The following KIF27 variants were observed in gnomAD, a reference collection of about 807,000 sequenced individuals.
KIF27 encodes kinesin family member 27.
Under a neutral mutation model 141.8 loss-of-function variants are expected in KIF27, and 84 were observed. The observed-to-expected ratio is 0.59, with a 90% CI of 0.50 to 0.71. The LOEUF is 0.71. KIF27 is among the 30% of genes least tolerant of loss of function. The pLI is 0.00. For synonymous variants in KIF27, 471 were observed against 569.5 expected (o/e 0.83, Z 2.46); for missense variants, 1,306 against 1,628.4 (o/e 0.80, Z 3.41).
chr9:83,921,192 C>T (rs1956239356), intron 1 of KIF27, among the ~76,000 whole-genome samples, 179 bp downstream of exon 1: 1 of 152,090 alleles, frequency 6.6e-6, no homozygotes, highest in Non-Finnish European at 1.5e-5. Context: ...AGCTGGCGCC[C>T]CAACCGCCCA....
At position 83,865,370 on chromosome 9, in the gene KIF27, T is replaced by A. The variant is rs1207233948; in HGVS notation, c.2934+2314A>T. Among the ~76,000 whole-genome samples the A allele has an allele frequency of 6.6e-5, 10 of 152,302 alleles. No individual in the cohort carries two copies. In the East Asian group the frequency reaches 1.7e-3, roughly 26 times the overall value. ...TGGAGTGCAATGGCATGGTCTCGGC[T>A]CACTGCAACCTCTGCCTCTCAGGTT... On this transcript the variant is annotated intron_variant, in intron 13 of 17. Coordinates refer to ENST00000297814, the MANE Select transcript of KIF27 (RefSeq NM_017576.4).
At chr9:83,917,586 G>A (rs1007271226) in intron 1 of KIF27, among the ~76,000 whole-genome samples, 6 of 152,140 alleles carry the variant, frequency 3.9e-5, no homozygotes, top group African/African-American at 1.4e-4. Flanking sequence ...ATGATAGTGT[G>A]GTACTGGCAT....
At chr9:83,879,910 T>C (rs1951534228) in intron 11 of KIF27, among the ~76,000 whole-genome samples, 1 of 152,198 alleles carries the variant, frequency 6.6e-6, no homozygotes, top group African/African-American at 2.4e-5. Flanking sequence ...CCACTTTACC[T>C]GGTACTTTTT....
At position 83,837,255 on chromosome 9, in the gene KIF27, C is replaced by G. The variant is rs1159901509; in HGVS notation, c.3952G>C (p.Gly1318Arg). 1 of 1,612,846 alleles carries G rather than the reference C, an allele frequency of 6.2e-7. No homozygotes were observed. The highest frequency in any genetic ancestry group is 8.5e-7 in the Non-Finnish European group (1 of 1,179,344). ...SLAPPSGHML[G>R]NENKTETDDN... Reference sequence around the variant, plus strand: ...TCTGTTTCTGTTTTATTCTCATTACCTAACATATGCCCACTGGGGGGTGCT... The same window carrying G: ...TCTGTTTCTGTTTTATTCTCATTACGTAACATATGCCCACTGGGGGGTGCT... Residue 1318 changes from glycine to arginine, a missense_variant, in exon 18 of 18, where the codon GGT becomes CGT. Transcript: ENST00000297814.
chr9:83,864,046 G>GATTTA (rs1950162089), intron 13 of KIF27, among the ~76,000 whole-genome samples: 1 of 151,764 alleles, frequency 6.6e-6, no homozygotes, highest in Non-Finnish European at 1.5e-5. Flanking sequence ...TTTTTATTGC[G>GATTTA]TCTATTTGAT....
At chr9:83,890,427 G>C (rs1439279095) in intron 6 of KIF27, among the ~76,000 whole-genome samples, 1 of 152,164 alleles carries the variant, frequency 6.6e-6, no homozygotes. Flanking sequence ...TAACTGGCAG[G>C]CATCTAGTTT....
chr9:83,918,130 C>G (rs1588350216), intron 1 of KIF27, among the ~76,000 whole-genome samples: 1 of 151,812 alleles, frequency 6.6e-6, no homozygotes, highest in African/African-American at 2.4e-5. Flanking sequence ...TTTCAATCAG[C>G]TCAGCATGGT....
chr9:83,919,596 G>C (rs1215013509), intron 1 of KIF27, among the ~76,000 whole-genome samples: 1 of 142,392 alleles, frequency 7.0e-6, no homozygotes, highest in Admixed American at 7.1e-5. Flanking sequence ...CACTACCCTT[G>C]AAAAAAAAAA....
rs768771137 is a variant in KIF27 at position 83,908,642 on chromosome 9, C to T, written c.309G>A (p.Val103=). The change falls in exon 3 of 18, where the codon GTG becomes GTA. Residue 103 remains valine, a synonymous_variant. Transcript: ENST00000297814. ...TIGGGHIASV[V]EGQKGIIPRA... ...GAGGAATGATACCCTTTTGGCCCTC[C>T]ACAACTGAAGCTGAAAATTTAGAAA... is the stretch of plus-strand genomic sequence containing the variant. 2.6e-5 allele frequency: 41 copies of T among 1,586,896 alleles called. No individual in the cohort carries two copies. In the Middle Eastern group the frequency reaches 5.0e-4, roughly 19 times the overall value.
At chr9:83,841,062 A>G (rs1275331826) in intron 17 of KIF27, among the ~76,000 whole-genome samples, 1 of 151,900 alleles carries the variant, frequency 6.6e-6, no homozygotes, top group Non-Finnish European at 1.5e-5. Context: ...AATGTCACAA[A>G]TATAAGTTAG....
At chr9:83,872,766 T>G (rs962980011) in intron 11 of KIF27, among the ~76,000 whole-genome samples, 1 of 152,186 alleles carries the variant, frequency 6.6e-6, no homozygotes, top group African/African-American at 2.4e-5. Flanking sequence ...GGAAGACTTG[T>G]TTCCCAATTG....
intron 2 of KIF27, among the ~76,000 whole-genome samples, chr9:83,913,799 T>G (rs1955427691): frequency 6.6e-6 from 1 of 152,144 alleles, no homozygotes; most frequent in African/African-American, 2.4e-5. Flanking sequence ...GTATAATATC[T>G]CATTAAACAA....
chr9:83,905,691 C>T (rs953388861), intron 3 of KIF27, among the ~76,000 whole-genome samples: 1 of 152,130 alleles, frequency 6.6e-6, no homozygotes, highest in Admixed American at 6.5e-5. Context: ...CTATGGTTCT[C>T]GAATCCAGAT....
Position 83,903,182 on chromosome 9 carries a change from T to A in KIF27, c.1336A>T (p.Ile446Phe), listed in dbSNP as rs755958827. The change falls in exon 4 of 18, where the codon ATC becomes TTC. Residue 446 changes from isoleucine to phenylalanine, a missense_variant. Physicochemically the swap from Ile to Phe is conservative, Grantham distance 21 (BLOSUM62 0). Transcript: ENST00000297814. ...AGGACAGCCTTCCTGACCTCTTGGA[T>A]CATGTTAAACCACTCCTGCAGTTTG... ...QHKLQEWFNM[I>F]QEVRKAVLTS... 5 of 1,614,166 alleles carry A rather than the reference T, an allele frequency of 3.1e-6. No homozygotes were observed. Among genetic ancestry groups the A allele is most frequent in the Non-Finnish European group, 4.2e-6 (5 of 1,180,026 alleles).
chr9:83,868,010 A>T, intron 12 of KIF27, 150 bp from the exon 13 acceptor site: 1 of 753,596 alleles, frequency 1.3e-6, no homozygotes, highest in Non-Finnish European at 2.0e-6. Flanking sequence ...CTGAGATCCT[A>T]AAGACATCAG....
At position 83,903,126 on chromosome 9, in the gene KIF27, T is replaced by C. The variant is rs1185599756; in HGVS notation, c.1392A>G (p.Ala464=). 6.2e-7 allele frequency: 1 copy of C among 1,614,090 alleles called. No individual in the cohort carries two copies. Among genetic ancestry groups the C allele is most frequent in the African/African-American group, 1.3e-5 (1 of 74,944 alleles). Residue 464 remains alanine, a synonymous_variant, in exon 4 of 18, where the codon GCA becomes GCG. Coordinates refer to ENST00000297814, the MANE Select transcript of KIF27 (RefSeq NM_017576.4). ...LTSFRGIGGT[A]SLEEGPQHVT... ...CATGCTGTGGTCCTTCTTCCAGACT[T>C]GCAGTGCCTCCGATTCCTCGAAATG...
intron 2 of KIF27, among the ~76,000 whole-genome samples, chr9:83,910,278 T>C (rs1564007562): frequency 6.6e-6 from 1 of 152,114 alleles, no homozygotes; most frequent in Non-Finnish European, 1.5e-5. Flanking sequence ...TTAGATGATA[T>C]ATAATTTCTA....
Position 83,886,412 on chromosome 9 carries a change from T to C in KIF27, c.2239+629A>G, listed in dbSNP as rs1182259745. ...GAGCTTTCCTAAAAATCCTCAGAGATGGTGACTAACAAAAGTTGTCAGTGA... is the reference window on the plus strand; with the variant it reads ...GAGCTTTCCTAAAAATCCTCAGAGACGGTGACTAACAAAAGTTGTCAGTGA... On this transcript the variant is annotated intron_variant, in intron 9 of 17. Coordinates refer to ENST00000297814, the MANE Select transcript of KIF27 (RefSeq NM_017576.4). Among the ~76,000 whole-genome samples, 3 of 152,206 alleles carry C rather than the reference T, an allele frequency of 2.0e-5. No homozygotes were observed. The East Asian group carries it at 5.8e-4, about 29-fold the overall frequency.
In KIF27 at chr9:83,903,700, G is replaced by T. The variant is rs750879422; in HGVS notation, c.818C>A (p.Ala273Asp). Residue 273 changes from alanine (A) to aspartate (D), a missense_variant, in exon 4 of 18, where the codon GCT (alanine) becomes GAT (aspartate). This residue lies in a region of KIF27 where 533 missense variants were observed against 565.6 expected (regional missense o/e 0.94). Coordinates refer to ENST00000297814, the MANE Select transcript of KIF27 (RefSeq NM_017576.4). ...AAGAGCGCTTATTACATTTCCTAAA[G>T]CCAGCAATCCACTATTGATTTGAAT... is the stretch of plus-strand genomic sequence containing the variant. Reference protein sequence around the residue: ...ESIQINSGLLALGNVISALGD... With the variant: ...ESIQINSGLLDLGNVISALGD... 6.2e-7 allele frequency: 1 copy of T among 1,614,104 alleles called. No homozygotes were observed. The highest frequency in any genetic ancestry group is 1.7e-5 in the Admixed American group (1 of 60,008).
Sources: gnomAD v4.1 joint callset for allele counts (sites outside exome capture counted in the v4.1 genomes callset) on GRCh38, gnomAD v4.1.1 for gene constraint, gnomAD v4.1.1 regional missense constraint, MANE v1.5 for transcripts, NCBI Gene and HGNC (gene_info 2026-07-23, HGNC 2026-07-21) for gene names.